MTA1: variants seen among roughly 807,000 people sequenced by gnomAD.
MTA1 encodes the protein metastasis-associated protein MTA1.
Under a neutral mutation model 97.0 loss-of-function variants are expected in MTA1, and 15 were observed. The observed-to-expected ratio is 0.15, with a 90% CI of 0.10 to 0.24. MTA1 has a LOEUF of 0.24. Ranked by LOEUF, MTA1 falls within the 10% of genes least tolerant of loss-of-function variation. The probability of loss-of-function intolerance (pLI) is 1.00; values close to 1 mark genes in which losing one functional copy is unlikely to be tolerated. For missense variants in MTA1, 709 were observed against 1,015.1 expected, an observed-to-expected ratio of 0.70 and a Z score of 4.10; for synonymous variants, 435 against 417.5, an observed-to-expected ratio of 1.04 and a Z score of -0.51.
chr14:105,465,224 G>A (rs1555432443), intron 16 of MTA1, 41 bp downstream of exon 16: 2 of 1,466,786 alleles, frequency 1.4e-6, no homozygotes, highest in Admixed American at 2.3e-5. Context: ...AATGCTGCCT[G>A]CAGGCAGCTT....
Position 105,463,301 on chromosome 14 carries a change from C to T in MTA1, c.1017+43C>T. 6.2e-7 allele frequency: 1 copy of T among 1,601,198 alleles called. No homozygotes were observed. The highest frequency in any genetic ancestry group is 8.5e-7 in the Non-Finnish European group (1 of 1,171,374). On this transcript the variant is annotated intron_variant, in intron 11 of 20. Coordinates refer to ENST00000331320, the MANE Select transcript of MTA1 (RefSeq NM_004689.4). This position sits in a 1 kb window ranked among gnomAD's most constrained non-coding sequence, Gnocchi z 5.9. ...TCAGTGCCCGGGGTGTGCCGCCTCC[C>T]CGTCCTGCGCCCCATCCTCTCCCAG...
chr14:105,456,939 GC>G (rs2083176564), intron 7 of MTA1, among the ~76,000 whole-genome samples: 1 of 152,232 alleles, frequency 6.6e-6, no homozygotes, highest in Non-Finnish European at 1.5e-5. Flanking sequence ...TGGACACATG[GC>G]CCAGGATGTC....
intron 1 of MTA1, among the ~76,000 whole-genome samples, chr14:105,426,204 G>A (rs1200182353): frequency 3.3e-5 from 5 of 152,116 alleles, no homozygotes; most frequent in South Asian, 4.1e-4. Context: ...CTTCCCGTCC[G>A]TGCCCTGCCA....
intron 3 of MTA1, among the ~76,000 whole-genome samples, chr14:105,448,421 C>T (rs1555427773): frequency 1.3e-5 from 2 of 152,186 alleles, no homozygotes; most frequent in African/African-American, 4.8e-5. Context: ...CTGTGGGCTC[C>T]TGTCCAGGCT....
At chr14:105,457,367 A>G (rs756225648) in intron 7 of MTA1, among the ~76,000 whole-genome samples, 68 of 152,250 alleles carry the variant, frequency 4.5e-4, no homozygotes, top group Non-Finnish European at 7.2e-4. Flanking sequence ...TGCAGGCGTC[A>G]GGTGGCCTCT....
At chr14:105,442,437 G>C (rs1355885218) in intron 2 of MTA1, among the ~76,000 whole-genome samples, 3 of 152,234 alleles carry the variant, frequency 2.0e-5, no homozygotes, top group African/African-American at 7.2e-5. Context: ...GAGGGGCCTC[G>C]CAGGCGCCCT....
chr14:105,455,495 G>A (rs1165629710), intron 7 of MTA1, among the ~76,000 whole-genome samples: 2 of 152,242 alleles, frequency 1.3e-5, no homozygotes, highest in Non-Finnish European at 1.5e-5. Flanking sequence ...CCGAGGGTGG[G>A]CGGGGACTCG....
At chr14:105,430,963 A>G (rs1555423210) in intron 1 of MTA1, among the ~76,000 whole-genome samples, 2 of 152,214 alleles carry the variant, frequency 1.3e-5, no homozygotes, top group Non-Finnish European at 2.9e-5. Flanking sequence ...TATTTGTGAT[A>G]GGGACAGGAA....
intron 7 of MTA1, among the ~76,000 whole-genome samples, chr14:105,457,784 G>A (rs1287766361): frequency 1.3e-5 from 2 of 152,104 alleles, no homozygotes; most frequent in African/African-American, 2.4e-5. Context: ...AAATTAGCTG[G>A]GCATGGTGTC....
In MTA1 at chr14:105,422,763, A is replaced by C. The variant is rs967341012; in HGVS notation, c.28+2700A>C. On this transcript the variant is annotated intron_variant, in intron 1 of 20. Transcript: ENST00000331320. The surrounding 1 kb of genome is among the most constrained non-coding windows in gnomAD (Gnocchi z 4.3). ...CTAGGCAGGGTGAAGGTGTGGTGGC[A>C]GTATTTTTGTGCCAGCTGAGCTGGG... Among the ~76,000 whole-genome samples the C allele has an allele frequency of 6.6e-6, 1 of 152,174 alleles. No homozygotes were observed. The highest frequency in any genetic ancestry group is 1.5e-5 in the Non-Finnish European group (1 of 68,020).
intron 1 of MTA1, among the ~76,000 whole-genome samples, chr14:105,435,223 A>C (rs1555424160): frequency 6.6e-6 from 1 of 152,208 alleles, no homozygotes; most frequent in African/African-American, 2.4e-5. Context: ...GGAGATGGTC[A>C]TAGGGCTTTT....
At chr14:105,466,142 TC>T in intron 16 of MTA1, 1 of 509,042 alleles carries the variant, frequency 2.0e-6, no homozygotes, top group Non-Finnish European at 3.5e-6. Flanking sequence ...GATCCTGTTG[TC>T]CCGGGGCTGA....
Position 105,470,647 on chromosome 14 carries a change from G to A in MTA1, c.*432G>A, listed in dbSNP as rs1471309980. ...GCCGCGGCCGGCCGAGCTGCCTGGC[G>A]GGGTTGGCCCTTGTCTTTTCAAGTA... On this transcript the variant is annotated 3_prime_UTR_variant, in exon 21 of 21. Transcript: ENST00000331320. 6.1e-6 allele frequency: 1 copy of A among 163,076 alleles called. No homozygotes were observed. Among genetic ancestry groups the A allele is most frequent in the African/African-American group, 2.4e-5 (1 of 41,858 alleles). The allele number at this position is 163,076 out of a possible 1,614,324, so 10.1% of individuals were successfully genotyped here.
At chr14:105,442,622 C>T (rs587612495) in intron 2 of MTA1, among the ~76,000 whole-genome samples, 25 of 151,900 alleles carry the variant, frequency 1.6e-4, no homozygotes, top group Non-Finnish European at 3.1e-4. Flanking sequence ...ACCGCCTTTA[C>T]CTGTGTGTGC....
rs892798460 is a variant in MTA1 at position 105,457,466 on chromosome 14, G to A, written c.551-804G>A. Reference sequence around the variant, plus strand: ...GAGGCACGCCCACTCCCTGGCCCCCGGCTCTGGCTGTGCCAGGCTTAGCCG... The same window carrying A: ...GAGGCACGCCCACTCCCTGGCCCCCAGCTCTGGCTGTGCCAGGCTTAGCCG... On this transcript the variant is annotated intron_variant, in intron 7 of 20. Coordinates refer to ENST00000331320, the MANE Select transcript of MTA1 (RefSeq NM_004689.4). Among the ~76,000 whole-genome samples, 7 of 152,222 alleles carry A rather than the reference G, an allele frequency of 4.6e-5. No homozygotes were observed. The East Asian group carries it at 7.7e-4, about 17-fold the overall frequency.
chr14:105,427,783 G>T (rs937423584), intron 1 of MTA1, among the ~76,000 whole-genome samples: 1 of 152,020 alleles, frequency 6.6e-6, no homozygotes, highest in African/African-American at 2.4e-5. Flanking sequence ...ACTTTGGGAG[G>T]CTGAGGTGGG....
intron 2 of MTA1, among the ~76,000 whole-genome samples, chr14:105,442,244 G>T (rs1464911489): frequency 6.6e-6 from 1 of 152,188 alleles, no homozygotes; most frequent in Non-Finnish European, 1.5e-5. Flanking sequence ...CCGCGTTCAG[G>T]TGTGGAGGCT....
rs902286848 is a variant in MTA1 at position 105,470,519 on chromosome 14, G to A, written c.*304G>A. The A allele has an allele frequency of 2.9e-5, 10 of 346,034 alleles. No homozygotes were observed. The East Asian group carries it at 5.4e-4, about 19-fold the overall frequency. The allele number at this position is 346,034 out of a possible 1,614,324, so 21.4% of individuals were successfully genotyped here. A position where few individuals can be genotyped will look rare whatever the true frequency, so the allele number is the denominator to read the frequency against. On this transcript the variant is annotated 3_prime_UTR_variant, in exon 21 of 21. Coordinates refer to ENST00000331320, the MANE Select transcript of MTA1 (RefSeq NM_004689.4). ...CCCGGAGGCCGGGCCCTAAGGTTTT[G>A]TTGTGTTCTGTTGAAGGTGCCATTT...
intron 2 of MTA1, among the ~76,000 whole-genome samples, chr14:105,441,534 C>T (rs1473523571): frequency 1.3e-5 from 2 of 152,240 alleles, no homozygotes; most frequent in East Asian, 1.9e-4. Flanking sequence ...GGGGCTCACG[C>T]CTGGAATCCC....
Sources: allele counts gnomAD v4.1 joint callset (sites outside exome capture counted in the v4.1 genomes callset), GRCh38; gene constraint gnomAD v4.1.1; non-coding constraint Gnocchi (gnomAD v3.1); transcripts MANE v1.5; gene names NCBI Gene and HGNC (gene_info 2026-07-23, HGNC 2026-07-21).